SGCZ: variants seen among roughly 807,000 people sequenced by gnomAD.
The protein encoded by SGCZ is zeta-sarcoglycan.
A neutral mutation model predicts 41.3 loss-of-function variants in SGCZ; 40 were observed. That is an observed-to-expected ratio of 0.97 (90% confidence interval 0.75 to 1.26). The LOEUF is 1.26. SGCZ is among the 50% of genes most tolerant of loss of function. SGCZ has a pLI of 0.00. For synonymous variants in SGCZ, 206 were observed against 137.5 expected (o/e 1.50, Z -3.49); for missense variants, 552 against 369.8 (o/e 1.49, Z -4.04).
intron 1 of SGCZ, among the ~76,000 whole-genome samples, chr8:14,747,240 G>A (rs947471873): frequency 6.6e-6 from 1 of 152,208 alleles, no homozygotes; most frequent in Non-Finnish European, 1.5e-5. Context: ...GAGGTGCTGA[G>A]TCGTGTGTGA....
At chr8:14,389,965 G>A (rs1318198932) in intron 2 of SGCZ, among the ~76,000 whole-genome samples, 9 of 152,028 alleles carry the variant, frequency 5.9e-5, no homozygotes, top group East Asian at 1.9e-4. Flanking sequence ...ATTGAGAAAC[G>A]AAGACGGGGG....
chr8:14,602,046 G>A (rs1349221312), intron 1 of SGCZ, among the ~76,000 whole-genome samples: 1 of 152,102 alleles, frequency 6.6e-6, no homozygotes, highest in Non-Finnish European at 1.5e-5. Flanking sequence ...CATGAACCCG[G>A]GAGGCGGAGC....
At chr8:15,217,455 CTT>C (rs796146748) in intron 1 of SGCZ, among the ~76,000 whole-genome samples, 18 of 141,440 alleles carry the variant, frequency 1.3e-4, no homozygotes, top group Admixed American at 4.2e-4. Context: ...AAAAATACCT[CTT>C]TTTTTTTTTT....
intron 1 of SGCZ, among the ~76,000 whole-genome samples, chr8:14,612,271 C>T (rs1275123711): frequency 1.3e-5 from 2 of 152,272 alleles, no homozygotes; most frequent in South Asian, 4.1e-4. Flanking sequence ...CTCCTCCATG[C>T]TGTTCTCATG....
chr8:14,217,628 G>GTTTTTTTTTT, intron 4 of SGCZ, among the ~76,000 whole-genome samples: 1 of 100,830 alleles, frequency 9.9e-6, no homozygotes, highest in Non-Finnish European at 1.9e-5. Flanking sequence ...TTCAACTAAA[G>GTTTTTTTTTT]TTTTTTTTTT....
intron 3 of SGCZ, among the ~76,000 whole-genome samples, chr8:14,304,328 GCACACCTGTAATAC>G (rs1801284643): frequency 6.6e-6 from 1 of 151,934 alleles, no homozygotes; most frequent in African/African-American, 2.4e-5. Context: ...GTGTGGTGGT[GCACACCTGTAATAC>G]CATCACTTTG....
chr8:14,194,842 G>T (rs185061737), intron 4 of SGCZ, among the ~76,000 whole-genome samples: 5 of 151,932 alleles, frequency 3.3e-5, no homozygotes, highest in African/African-American at 9.6e-5. Context: ...AAGCTCATAG[G>T]CCATGGGGCA....
intron 2 of SGCZ, among the ~76,000 whole-genome samples, chr8:14,540,502 C>G (rs1352392845): frequency 2.0e-5 from 3 of 151,598 alleles, no homozygotes; most frequent in Non-Finnish European, 2.9e-5. Context: ...CAATTTTTAT[C>G]AAACCCTTCC....
At chr8:14,239,790 T>C (rs1798797858) in intron 3 of SGCZ, among the ~76,000 whole-genome samples, 1 of 147,152 alleles carries the variant, frequency 6.8e-6, no homozygotes, top group African/African-American at 2.5e-5. Flanking sequence ...TAGTCCCAGC[T>C]ACTTGGGAGG....
intron 1 of SGCZ, among the ~76,000 whole-genome samples, chr8:14,775,232 C>G (rs1345038484): frequency 6.6e-6 from 1 of 151,892 alleles, no homozygotes; most frequent in East Asian, 1.9e-4. Flanking sequence ...GTTTCCAGAC[C>G]ACCCTTTGAG....
chr8:14,325,211 G>C (rs1802051746), intron 2 of SGCZ, among the ~76,000 whole-genome samples: 1 of 152,058 alleles, frequency 6.6e-6, no homozygotes, highest in Non-Finnish European at 1.5e-5. Context: ...AACTGATACA[G>C]TATTACTAAT....
Position 14,483,438 on chromosome 8 carries a change from G to A in SGCZ, c.234+71294C>T, listed in dbSNP as rs148477774. ...TTTAAAAAATTAGCTGGGCATGGTGGTACCTGCCTGTGGTCCCAGCTACTT... is the reference window on the plus strand; with the variant it reads ...TTTAAAAAATTAGCTGGGCATGGTGATACCTGCCTGTGGTCCCAGCTACTT... On this transcript the variant is annotated intron_variant, in intron 2 of 7. Coordinates refer to ENST00000382080, the MANE Select transcript of SGCZ (RefSeq NM_139167.4). Among the ~76,000 whole-genome samples, 569 of 152,280 alleles carry A rather than the reference G, an allele frequency of 3.7e-3. 1 individual carries two copies. Among genetic ancestry groups the A allele is most frequent in the Non-Finnish European group, 6.1e-3 (415 of 68,028 alleles).
intron 1 of SGCZ, among the ~76,000 whole-genome samples, chr8:14,784,052 TG>T (rs1196078810): frequency 3.3e-5 from 3 of 90,888 alleles, no homozygotes; most frequent in Admixed American, 1.2e-4. Context: ...TTTAATTTAA[TG>T]TTTTTTTTTT....
intron 1 of SGCZ, among the ~76,000 whole-genome samples, chr8:14,834,919 T>A (rs536430902): frequency 6.6e-6 from 1 of 152,320 alleles, no homozygotes; most frequent in African/African-American, 2.4e-5. Context: ...CCCTGCTTTT[T>A]AGCAACATCT....
At chr8:14,578,752 A>G (rs1804793642) in intron 1 of SGCZ, among the ~76,000 whole-genome samples, 1 of 152,222 alleles carries the variant, frequency 6.6e-6, no homozygotes, top group Non-Finnish European at 1.5e-5. Flanking sequence ...ATTTGGATTC[A>G]TTAGTCCATA....
intron 1 of SGCZ, among the ~76,000 whole-genome samples, chr8:14,821,697 G>T (rs1802092978): frequency 6.6e-6 from 1 of 151,934 alleles, no homozygotes; most frequent in Admixed American, 6.6e-5. Flanking sequence ...CACTTTAATT[G>T]AAACAAAGAC....
intron 1 of SGCZ, among the ~76,000 whole-genome samples, chr8:15,127,807 A>G (rs1807761183): frequency 6.6e-6 from 1 of 152,246 alleles, no homozygotes; most frequent in South Asian, 2.1e-4. Flanking sequence ...AATAGAAAAG[A>G]AATTCCAAAG....
chr8:14,537,140 C>T (rs925102702), intron 2 of SGCZ, among the ~76,000 whole-genome samples: 4 of 151,858 alleles, frequency 2.6e-5, no homozygotes, highest in Non-Finnish European at 5.9e-5. Flanking sequence ...TAAAGATGTC[C>T]ACTCTGTAAG....
intron 1 of SGCZ, among the ~76,000 whole-genome samples, chr8:14,572,356 C>G (rs1804580343): frequency 1.3e-5 from 2 of 152,108 alleles, no homozygotes; most frequent in South Asian, 4.1e-4. Flanking sequence ...CACATCTTAA[C>G]ACTGACTAAT....
Sources: allele counts gnomAD v4.1 joint callset (sites outside exome capture counted in the v4.1 genomes callset), GRCh38; gene constraint gnomAD v4.1.1; transcripts MANE v1.5; gene names NCBI Gene and HGNC (gene_info 2026-07-23, HGNC 2026-07-21).